Variants in CNGB3 observed in about 807,000 individuals in gnomAD.
CNGB3 encodes cyclic nucleotide gated channel subunit beta 3.
In CNGB3, 86 loss-of-function variants were observed where a neutral mutation model predicts 92.8. The ratio of observed to expected loss-of-function variants is 0.93; its 90% CI spans 0.78 to 1.11. The LOEUF (loss-of-function observed/expected upper bound fraction) is 1.11. Among genes scored for constraint, CNGB3 ranks in the 50% least tolerant of loss-of-function variants. The pLI, the probability that CNGB3 is intolerant of heterozygous loss-of-function variation, is 0.00. For synonymous variants in CNGB3, 333 were observed against 332.7 expected, an observed-to-expected ratio of 1.00 and a Z score of -0.01; for missense variants, 1,026 against 956.8, an observed-to-expected ratio of 1.07 and a Z score of -0.95.
At chr8:86,687,865 T>C (rs1160080168) in intron 3 of CNGB3, among the ~76,000 whole-genome samples, 2 of 152,126 alleles carry the variant, frequency 1.3e-5, no homozygotes, top group African/African-American at 2.4e-5. Flanking sequence ...AAATCAAGTG[T>C]TTATAGAGTG....
chr8:86,726,725 A>C, intron 2 of CNGB3, 68 bp from the exon 3 acceptor site: 1 of 1,567,006 alleles, frequency 6.4e-7, no homozygotes, highest in Non-Finnish European at 8.8e-7. Flanking sequence ...ATTTGGCAAC[A>C]TGAGCTACAA....
chr8:86,674,337 A>G (rs545566304), intron 3 of CNGB3, among the ~76,000 whole-genome samples: 1 of 152,350 alleles, frequency 6.6e-6, no homozygotes, highest in East Asian at 1.9e-4. Context: ...CATGAAAAAG[A>G]ATGCAAGCAT....
intron 3 of CNGB3, chr8:86,707,544 G>A (rs1824672365): frequency 6.5e-6 from 1 of 152,680 alleles, no homozygotes; most frequent in Admixed American, 6.5e-5. Context: ...AGGAGCTGAG[G>A]TTAGTGAGGC....
At chr8:86,719,592 T>A (rs1824927098) in intron 3 of CNGB3, among the ~76,000 whole-genome samples, 1 of 152,248 alleles carries the variant, frequency 6.6e-6, no homozygotes. Context: ...ACAAATTCAG[T>A]GTAATTCCTG....
intron 13 of CNGB3, among the ~76,000 whole-genome samples, chr8:86,625,350 T>C (rs1465135877): frequency 6.6e-6 from 1 of 152,188 alleles, no homozygotes; most frequent in African/African-American, 2.4e-5. Flanking sequence ...TCATAAATAC[T>C]TGTTGAATGA....
Position 86,643,792 on chromosome 8 carries a change from T to G in CNGB3, c.1137A>C (p.Gly379=). 1 of 1,606,380 alleles carries G rather than the reference T, an allele frequency of 6.2e-7. No individual in the cohort carries two copies. The highest frequency in any genetic ancestry group is 8.5e-7 in the Non-Finnish European group (1 of 1,175,456). The change falls in exon 10 of 18, where the codon GGA becomes GGC. Residue 379 remains glycine (G), a synonymous_variant. Transcript: ENST00000320005. ...CATACACCCATCTAGTAGTGCCAATTCCTTCATAGTTTGAAGCCCAGTAAT... is the reference window on the plus strand; with the variant it reads ...CATACACCCATCTAGTAGTGCCAATGCCTTCATAGTTTGAAGCCCAGTAAT... ...CVYYWASNYE[G]IGTTRWVYDG...
intron 15 of CNGB3, among the ~76,000 whole-genome samples, chr8:86,599,585 G>A (rs1279421445): frequency 1.3e-5 from 2 of 152,056 alleles, no homozygotes; most frequent in African/African-American, 2.4e-5. Context: ...GAAAGAGAAT[G>A]TGTCCCTGAG....
At chr8:86,622,735 C>A (rs1018906399) in intron 13 of CNGB3, among the ~76,000 whole-genome samples, 4 of 152,164 alleles carry the variant, frequency 2.6e-5, no homozygotes, top group African/African-American at 9.7e-5. Context: ...TCCTTTTGGA[C>A]CTAGGTTTGG....
intron 3 of CNGB3, among the ~76,000 whole-genome samples, chr8:86,692,332 C>A (rs1484984842): frequency 1.3e-5 from 2 of 152,110 alleles, no homozygotes; most frequent in Non-Finnish European, 2.9e-5. Context: ...GTATTGAAGA[C>A]CCCCACTAAT....
intron 3 of CNGB3, among the ~76,000 whole-genome samples, chr8:86,684,728 T>C (rs1201710600): frequency 6.6e-6 from 1 of 151,778 alleles, no homozygotes; most frequent in Non-Finnish European, 1.5e-5. Context: ...ATTATATTGA[T>C]TAAAAGCCAA....
chr8:86,686,564 T>C (rs1159151853), intron 3 of CNGB3, among the ~76,000 whole-genome samples: 2 of 152,086 alleles, frequency 1.3e-5, no homozygotes, highest in Non-Finnish European at 2.9e-5. Context: ...GAAGAAGAGA[T>C]AATTGAAAGC....
intron 15 of CNGB3, among the ~76,000 whole-genome samples, chr8:86,597,076 A>G (rs1175782248): frequency 6.6e-6 from 1 of 152,104 alleles, no homozygotes; most frequent in African/African-American, 2.4e-5. Context: ...CCTAATGTAA[A>G]TGAGTTGATG....
chr8:86,643,186 G>A (rs1348759916), intron 10 of CNGB3, among the ~76,000 whole-genome samples: 1 of 150,928 alleles, frequency 6.6e-6, no homozygotes, highest in African/African-American at 2.4e-5. Context: ...ATTTAAAAAT[G>A]TATTGACTTA....
At chr8:86,680,487 C>A (rs533873426) in intron 3 of CNGB3, among the ~76,000 whole-genome samples, 1 of 152,294 alleles carries the variant, frequency 6.6e-6, no homozygotes, top group South Asian at 2.1e-4. Flanking sequence ...CATGGTCAAC[C>A]ATTGGGGTGA....
At chr8:86,582,821 A>AG (rs1202724406) in intron 15 of CNGB3, among the ~76,000 whole-genome samples, 2 of 152,242 alleles carry the variant, frequency 1.3e-5, no homozygotes, top group African/African-American at 4.8e-5. Flanking sequence ...CCTGCAAAAA[A>AG]CATTTAGAGT....
chr8:86,644,005 T>G (rs531574037), intron 9 of CNGB3, 132 bp from the exon 10 acceptor site: 2 of 866,092 alleles, frequency 2.3e-6, no homozygotes, highest in African/African-American at 1.7e-5. Flanking sequence ...CTCTCATTAG[T>G]ACAGTACAAA....
intron 7 of CNGB3, among the ~76,000 whole-genome samples, chr8:86,652,301 C>A (rs559917820): frequency 2.0e-5 from 3 of 151,876 alleles, no homozygotes; most frequent in African/African-American, 4.8e-5. Context: ...AGTCAATGAG[C>A]GAGTAGTGAG....
intron 6 of CNGB3, among the ~76,000 whole-genome samples, chr8:86,666,638 C>T (rs1823743466): frequency 6.6e-6 from 1 of 152,218 alleles, no homozygotes; most frequent in South Asian, 2.1e-4. Context: ...AGGCACTTCA[C>T]AGGCCTCAAC....
chr8:86,740,844 C>A (rs1038870916), intron 1 of CNGB3, among the ~76,000 whole-genome samples: 1 of 151,920 alleles, frequency 6.6e-6, no homozygotes, highest in African/African-American at 2.4e-5. Flanking sequence ...ATGAACGTAG[C>A]TAGAAAGGTA....
Sources: gnomAD v4.1 joint callset for allele counts (sites outside exome capture counted in the v4.1 genomes callset) on GRCh38, gnomAD v4.1.1 for gene constraint, MANE v1.5 for transcripts, NCBI Gene and HGNC (gene_info 2026-07-23, HGNC 2026-07-21) for gene names.